The following NBPF9 variants were observed in gnomAD, a reference collection of about 807,000 sequenced individuals.
NBPF9 encodes NBPF member 9.
In NBPF9, 91 loss-of-function variants were observed where a neutral mutation model predicts 97.8. The ratio of observed to expected loss-of-function variants is 0.93; its 90% CI spans 0.79 to 1.11. The LOEUF is 1.11. Among genes scored for constraint, NBPF9 ranks in the 50% least tolerant of loss-of-function variants. The pLI, the probability that NBPF9 is intolerant of heterozygous loss-of-function variation, is 0.00. For missense variants in NBPF9, 992 were observed against 939.5 expected (o/e 1.06, Z -0.73); for synonymous variants, 334 against 359.5 (o/e 0.93, Z 0.80).
Position 149,072,576 on chromosome 1 carries a change from C to T in NBPF9, c.1306+142G>A, listed in dbSNP as rs1248175524. ...TGGGTTTCCCATCTCCGTTCTTACC[C>T]AAGAAGTCCTTGTCATGTCATGGCC... On this transcript the variant is annotated intron_variant, in intron 14 of 29. Coordinates refer to ENST00000584027, the Ensembl canonical transcript of NBPF9. 5 of 1,412,494 alleles carry T rather than the reference C, an allele frequency of 3.5e-6. No individual in the cohort carries two copies. The African/African-American group carries it at 7.1e-5, about 20-fold the overall frequency. The allele number at this position is 1,412,494 out of a possible 1,614,324, so 87.5% of individuals were successfully genotyped here.
At position 149,085,409 on chromosome 1, in the gene NBPF9, C is replaced by T. The variant is rs1553658185; in HGVS notation, c.-194-2979G>A. Among the ~76,000 whole-genome samples, 6 of 152,152 alleles carry T rather than the reference C, an allele frequency of 3.9e-5. No individual in the cohort carries two copies. In the South Asian group the frequency reaches 1.2e-3, roughly 32 times the overall value. On this transcript the variant is annotated intron_variant, in intron 5 of 29. Transcript: ENST00000584027. ...AAATCTAGCAGAGTAAGTCCTCCAA[C>T]TTATTGCTTCTTCAATATCGACTTG...
At chr1:149,076,777 G>A (rs587606477) in intron 11 of NBPF9, among the ~76,000 whole-genome samples, 11 of 151,184 alleles carry the variant, frequency 7.3e-5, no homozygotes, top group South Asian at 4.2e-4. Context: ...CAAAGTGCTC[G>A]GATTACAGGT....
intron 9 of NBPF9, 129 bp downstream of exon 9, chr1:149,078,878 T>C: frequency 6.5e-7 from 1 of 1,536,742 alleles, no homozygotes; most frequent in African/African-American, 1.4e-5. Context: ...GAAGTCCTGA[T>C]CGTGTCATGG....
chr1:149,076,138 G>C (rs2079846146), intron 11 of NBPF9, among the ~76,000 whole-genome samples: 1 of 151,988 alleles, frequency 6.6e-6, no homozygotes, highest in African/African-American at 2.4e-5. Flanking sequence ...TTTACCCCAT[G>C]AGTGGCCAAT....
At chr1:149,075,903 C>CACA in intron 11 of NBPF9, 39 bp from the exon 12 acceptor site, 1 of 843,548 alleles carries the variant, frequency 1.2e-6, no homozygotes, top group Admixed American at 1.9e-5. Context: ...GGGTTAAAAA[C>CACA]TGGTGAAATC....
chr1:149,072,422 C>G lies in NBPF9; in HGVS notation c.1306+296G>C, dbSNP rs587666498. On this transcript the variant is annotated intron_variant, in intron 14 of 29. Coordinates refer to ENST00000584027, the Ensembl canonical transcript of NBPF9. ...TTCTTAGTCCAGAGCTCTTTTCACT[C>G]TAACAAGCCTGCTCCCATCGCAGCC... is the stretch of plus-strand genomic sequence containing the variant. Among the ~76,000 whole-genome samples the G allele has an allele frequency of 7.2e-4, 109 of 152,238 alleles. 3 individuals carry two copies. The East Asian group carries it at 0.019, about 27-fold the overall frequency.
intron 5 of NBPF9, 60 bp downstream of exon 5, chr1:149,090,693 C>G (rs1553659863): frequency 1.8e-6 from 1 of 550,468 alleles, no homozygotes; most frequent in South Asian, 2.3e-5. Context: ...GGACCCATCT[C>G]TGCCCTGGAA....
At chr1:149,089,618 A>G (rs1446533815) in intron 5 of NBPF9, among the ~76,000 whole-genome samples, 1 of 152,300 alleles carries the variant, frequency 6.6e-6, no homozygotes, top group African/African-American at 2.4e-5. Flanking sequence ...AAACAAAAGG[A>G]GAATACTAGC....
At position 149,098,564 on chromosome 1, in the gene NBPF9, T is replaced by G. The variant is rs1164653938; in HGVS notation, c.-463A>C. 40 of 1,459,534 alleles carry G rather than the reference T, an allele frequency of 2.7e-5. No individual in the cohort carries two copies. The East Asian group carries it at 1.0e-3, about 38-fold the overall frequency. The allele number at this position is 1,459,534 out of a possible 1,614,324, so 90.4% of individuals were successfully genotyped here. A position where few individuals can be genotyped will look rare whatever the true frequency, so the allele number is the denominator to read the frequency against. On this transcript the variant is annotated 5_prime_UTR_variant, in exon 4 of 30. Transcript: ENST00000584027. ...GGAAGCCCTGGACAGTGGGAATTGG[T>G]GGCACCCCCAGCATGGAGGCCAAGA...
intron 4 of NBPF9, among the ~76,000 whole-genome samples, chr1:149,097,283 G>A (rs1476207275): frequency 9.8e-4 from 149 of 152,264 alleles, no homozygotes; most frequent in African/African-American, 3.4e-3. Context: ...ACAGGAACAC[G>A]CTAACTAGTT....
Position 149,061,121 on chromosome 1 carries a change from G to A in NBPF9, c.2303+211C>T, listed in dbSNP as rs1222832487. On this transcript the variant is annotated intron_variant, in intron 23 of 29. Coordinates refer to ENST00000584027, the Ensembl canonical transcript of NBPF9. ...CATGAGAATAGAGTTTTTGAAGTCT[G>A]GTCCACCTACAGTAGGTTAGTAAAT... The A allele has an allele frequency of 6.1e-5, 24 of 393,076 alleles. 7 individuals are homozygous for A. The African/African-American group carries it at 6.1e-4, about 10-fold the overall frequency. 24.3% of individuals were successfully genotyped at this position (393,076 alleles called of 1,614,324 possible).
At chr1:149,087,330 TATAC>T (rs1352470141) in intron 5 of NBPF9, among the ~76,000 whole-genome samples, 8 of 147,948 alleles carry the variant, frequency 5.4e-5, no homozygotes, top group African/African-American at 2.0e-4. Flanking sequence ...TATATATATA[TATAC>T]ACACACACAC....
At chr1:149,056,314 C>A (rs1163061022) in intron 29 of NBPF9, among the ~76,000 whole-genome samples, 198 bp downstream of exon 29, 6 of 121,496 alleles carry the variant, frequency 4.9e-5, no homozygotes, top group Non-Finnish European at 1.0e-4. Context: ...TATGGTCAAC[C>A]TATGGTACGT....
At chr1:149,062,432 T>C (rs1387853898) in intron 21 of NBPF9, among the ~76,000 whole-genome samples, 167 bp from the exon 22 acceptor site, 2 of 141,558 alleles carry the variant, frequency 1.4e-5, no homozygotes, top group Non-Finnish European at 3.1e-5. Flanking sequence ...CAGGGTCAGG[T>C]GGAAAAGAAT....
At chr1:149,058,801 C>T (rs1311847273) in intron 26 of NBPF9, 124 bp downstream of exon 26, 41 of 682,850 alleles carry the variant, frequency 6.0e-5, no homozygotes, top group South Asian at 3.7e-4. Flanking sequence ...AACCTATATG[C>T]GCCCATAGGT....
At chr1:149,072,334 C>G (rs1383242318) in intron 14 of NBPF9, among the ~76,000 whole-genome samples, 5 of 152,140 alleles carry the variant, frequency 3.3e-5, no homozygotes, top group Admixed American at 3.3e-4. Flanking sequence ...TCAGGAAGGA[C>G]AAGTCATTCA....
At chr1:149,067,330 C>G (rs1451919385) in intron 17 of NBPF9, among the ~76,000 whole-genome samples, 1 of 120,214 alleles carries the variant, frequency 8.3e-6, no homozygotes, top group African/African-American at 3.3e-5. Flanking sequence ...ATTTTTAATA[C>G]TTTAAGTCTT....
chr1:149,058,896 G>A (rs1343833706), intron 26 of NBPF9, 29 bp downstream of exon 26: 8 of 584,338 alleles, frequency 1.4e-5, no homozygotes, highest in African/African-American at 6.6e-5. Context: ...CCAGGTGGAG[G>A]CTTATCACCT....
chr1:149,075,690 A>G (rs1553654123), exon 12 of NBPF9: 1 of 1,610,112 alleles, frequency 6.2e-7, no homozygotes, highest in Non-Finnish European at 8.5e-7. Flanking sequence ...GAAGCCGGCC[A>G]GTTGAGTTAG....
Sources: allele counts gnomAD v4.1 joint callset (sites outside exome capture counted in the v4.1 genomes callset), GRCh38; gene constraint gnomAD v4.1.1; transcripts MANE v1.5; gene names NCBI Gene and HGNC (gene_info 2026-07-23, HGNC 2026-07-21).